The following SEMA6D variants were observed in gnomAD, a reference collection of about 807,000 sequenced individuals.
The protein encoded by SEMA6D is semaphorin 6D, also known as semaphorin-6D.
SEMA6D carries 35 observed loss-of-function variants against 106.6 expected under a neutral mutation model. The ratio of observed to expected loss-of-function variants is 0.33; its 90% confidence interval spans 0.25 to 0.44. The LOEUF is 0.44. Ranked by LOEUF, SEMA6D falls within the 20% of genes least tolerant of loss-of-function variation. SEMA6D has a pLI of 1.00. For missense variants in SEMA6D, 1,185 were observed against 1,345.9 expected, an observed-to-expected ratio of 0.88 and a Z score of 1.87; for synonymous variants, 499 against 487.7, an observed-to-expected ratio of 1.02 and a Z score of -0.31.
intron 1 of SEMA6D, among the ~76,000 whole-genome samples, chr15:47,406,908 G>A (rs2040590929): frequency 6.6e-6 from 1 of 151,818 alleles, no homozygotes; most frequent in Admixed American, 6.6e-5. Flanking sequence ...CTAGATATGT[G>A]TGCTACTTTT....
At chr15:47,760,133 A>AAAGAG in intron 2 of SEMA6D, 171 bp from the exon 3 acceptor site, 2 of 660,284 alleles carry the variant, frequency 3.0e-6, no homozygotes, top group Non-Finnish European at 5.2e-6. Flanking sequence ...TTTTGAGTTA[A>AAAGAG]AAAGACCATT....
intron 3 of SEMA6D, among the ~76,000 whole-genome samples, chr15:47,540,058 GTGTT>G (rs889355779): frequency 2.0e-5 from 3 of 152,038 alleles, no homozygotes; most frequent in Non-Finnish European, 2.9e-5. Context: ...GTGTGTGTGT[GTGTT>G]TGTGTGTGTG....
chr15:47,716,089 AC>A (rs1015132799), upstream of SEMA6D, among the ~76,000 whole-genome samples: 9 of 152,358 alleles, frequency 5.9e-5, no homozygotes, highest in African/African-American at 1.9e-4. Context: ...TAGCCGGCCA[AC>A]AAAAGACCTA....
rs869122623 is a variant in SEMA6D, at chr15:47,720,261, CTTT to C, written c.-55+2590_-55+2592del. On this transcript the variant is annotated intron_variant, in intron 1 of 18. Transcript: ENST00000536845. ...TAGGGATGCTATATCAATAACCTTT[CTTT>C]TTTTTTTTTTTTTTTTTTTTGGAAC... Among the ~76,000 whole-genome samples, 417 of 97,166 alleles carry C rather than the reference CTTT, an allele frequency of 4.3e-3. 2 individuals carry two copies. The highest frequency in any genetic ancestry group is 0.015 in the African/African-American group (375 of 25,848). The allele number at this position is 97,166 out of a possible 152,430, so 63.7% of individuals were successfully genotyped here. A position where few individuals can be genotyped will look rare whatever the true frequency, so the allele number is the denominator to read the frequency against.
At chr15:47,271,738 G>T (rs556097814) in intron 1 of SEMA6D, among the ~76,000 whole-genome samples, 1 of 152,214 alleles carries the variant, frequency 6.6e-6, no homozygotes, top group African/African-American at 2.4e-5. Flanking sequence ...CTGAAAAAGA[G>T]AAAATATTAA....
intron 1 of SEMA6D, among the ~76,000 whole-genome samples, chr15:47,398,287 C>T (rs962597065): frequency 1.1e-4 from 17 of 152,182 alleles, no homozygotes; most frequent in Admixed American, 7.2e-4. Context: ...TAATTCTGGC[C>T]GGAGATGTTC....
chr15:47,660,496 C>A (rs1172399018), intron 4 of SEMA6D, among the ~76,000 whole-genome samples: 3 of 152,026 alleles, frequency 2.0e-5, no homozygotes, highest in Non-Finnish European at 4.4e-5. Context: ...TGTGGACAAA[C>A]ACGTAGACCC....
At chr15:47,198,792 T>G (rs567790912) in intron 1 of SEMA6D, among the ~76,000 whole-genome samples, 31 of 152,302 alleles carry the variant, frequency 2.0e-4, no homozygotes, top group African/African-American at 7.5e-4. Context: ...ACCAATATTT[T>G]TGACAAACTG....
intron 1 of SEMA6D, among the ~76,000 whole-genome samples, chr15:47,373,301 C>T (rs1024499716): frequency 6.6e-6 from 1 of 152,172 alleles, no homozygotes; most frequent in African/African-American, 2.4e-5. Flanking sequence ...TCCTCTCCAC[C>T]CTGCCTTTGC....
At chr15:47,533,790 C>T (rs542811381) in intron 3 of SEMA6D, among the ~76,000 whole-genome samples, 2 of 152,290 alleles carry the variant, frequency 1.3e-5, no homozygotes, top group East Asian at 3.9e-4. Flanking sequence ...ATGGATGGAA[C>T]TTGTTTGCTG....
intron 3 of SEMA6D, among the ~76,000 whole-genome samples, chr15:47,546,736 C>T (rs953788575): frequency 2.8e-4 from 42 of 151,932 alleles, no homozygotes; most frequent in African/African-American, 9.7e-4. Flanking sequence ...ATGTGTATCT[C>T]GGTGGACACA....
intron 3 of SEMA6D, among the ~76,000 whole-genome samples, chr15:47,573,216 A>G (rs2076093977): frequency 6.6e-6 from 1 of 152,208 alleles, no homozygotes; most frequent in Admixed American, 6.5e-5. Context: ...AAAAAAATCA[A>G]CAGCTGAACT....
At chr15:47,474,437 G>C (rs548401383) in intron 3 of SEMA6D, among the ~76,000 whole-genome samples, 93 of 152,152 alleles carry the variant, frequency 6.1e-4, no homozygotes, top group African/African-American at 2.0e-3. Flanking sequence ...TTATTTCTAG[G>C]CAATGAAAAC....
intron 1 of SEMA6D, among the ~76,000 whole-genome samples, chr15:47,720,060 G>A (rs2079326728): frequency 6.6e-6 from 1 of 152,106 alleles, no homozygotes; most frequent in Admixed American, 6.5e-5. Flanking sequence ...GCTTTGTTTG[G>A]TTTAGGTCTC....
chr15:47,577,592 G>T (rs763860976), intron 3 of SEMA6D, among the ~76,000 whole-genome samples: 5 of 152,238 alleles, frequency 3.3e-5, no homozygotes, highest in Non-Finnish European at 5.9e-5. Context: ...GGGACTGAAG[G>T]TGCCCTGGGA....
chr15:47,662,710 T>C (rs2077948424), intron 4 of SEMA6D, among the ~76,000 whole-genome samples: 1 of 152,184 alleles, frequency 6.6e-6, no homozygotes, highest in Non-Finnish European at 1.5e-5. Context: ...TGCATATATT[T>C]TGGATACCAC....
At chr15:47,399,762 T>C (rs1454738909) in intron 1 of SEMA6D, among the ~76,000 whole-genome samples, 1 of 152,166 alleles carries the variant, frequency 6.6e-6, no homozygotes, top group Non-Finnish European at 1.5e-5. Context: ...ATTATCTCAC[T>C]CATTAAAGTG....
At chr15:47,547,260 A>C (rs898105653) in intron 3 of SEMA6D, among the ~76,000 whole-genome samples, 3 of 152,272 alleles carry the variant, frequency 2.0e-5, no homozygotes, top group Admixed American at 6.5e-5. Flanking sequence ...CAGTTTATAA[A>C]TCTTCATACC....
chr15:47,270,730 A>G (rs2034523216), intron 1 of SEMA6D, among the ~76,000 whole-genome samples: 2 of 152,088 alleles, frequency 1.3e-5, no homozygotes. Flanking sequence ...GCGGTGGTTC[A>G]CACCCGTAAT....
Sources: allele counts gnomAD v4.1 joint callset (sites outside exome capture counted in the v4.1 genomes callset), GRCh38; gene constraint gnomAD v4.1.1; transcripts MANE v1.5; gene names NCBI Gene and HGNC (gene_info 2026-07-23, HGNC 2026-07-21).